Variants in RSRC1 observed in about 807,000 individuals in gnomAD.
The protein encoded by RSRC1 is serine/Arginine-related protein 53.
In RSRC1, 39 loss-of-function variants were observed where a neutral mutation model predicts 49.1. That is an observed-to-expected ratio of 0.79 (90% confidence interval 0.61 to 1.04). The LOEUF (loss-of-function observed/expected upper bound fraction) is 1.04. Ranked by LOEUF, RSRC1 falls within the 50% of genes least tolerant of loss-of-function variation. RSRC1 has a pLI of 0.00. For synonymous variants in RSRC1, 143 were observed against 130.8 expected, an observed-to-expected ratio of 1.09 and a Z score of -0.63; for missense variants, 388 against 402.4, an observed-to-expected ratio of 0.96 and a Z score of 0.31.
chr3:158,161,873 G>C (rs935104316), intron 3 of RSRC1, among the ~76,000 whole-genome samples: 4 of 152,032 alleles, frequency 2.6e-5, no homozygotes, highest in Non-Finnish European at 4.4e-5. Flanking sequence ...GGCAAGGGGG[G>C]GCTCAAAATT....
At chr3:158,520,375 CCTT>C (rs1358488880) in intron 7 of RSRC1, among the ~76,000 whole-genome samples, 2 of 152,104 alleles carry the variant, frequency 1.3e-5, no homozygotes, top group Non-Finnish European at 2.9e-5. Context: ...TTAGAAGAAT[CCTT>C]CTTGTAGTCA....
chr3:158,540,631 G>A (rs16829104), intron 8 of RSRC1, among the ~76,000 whole-genome samples: 36,441 of 150,964 alleles, frequency 0.24, 4,417 homozygotes, highest in South Asian at 0.3. Flanking sequence ...CTCATAACTT[G>A]TCTCCTCTTC....
At chr3:158,494,792 A>G (rs1352357924) in intron 7 of RSRC1, among the ~76,000 whole-genome samples, 1 of 152,134 alleles carries the variant, frequency 6.6e-6, no homozygotes, top group Non-Finnish European at 1.5e-5. Flanking sequence ...GTCAATATCA[A>G]CGTCTTCCAC....
At position 158,518,148 on chromosome 3, in the gene RSRC1, A is replaced by AT. The variant is rs72132266; in HGVS notation, c.653-18924dup. 1.9e-3 allele frequency among the ~76,000 whole-genome samples: 84 copies of AT among 44,140 alleles called. 1 individual carries two copies. Among genetic ancestry groups the AT allele is most frequent in the South Asian group, 8.3e-3 (8 of 968 alleles). The allele number at this position is 44,140 out of a possible 152,430, so 29.0% of individuals were successfully genotyped here. On this transcript the variant is annotated intron_variant, in intron 7 of 9. Transcript: ENST00000611884. ...TGTGTATATATATATATATATATAT[A>AT]TTTTTTTTTTTTTTTTTTTTACTCC...
At chr3:158,181,390 T>G (rs1039340841) in intron 3 of RSRC1, among the ~76,000 whole-genome samples, 3 of 152,146 alleles carry the variant, frequency 2.0e-5, no homozygotes, top group African/African-American at 2.4e-5. Context: ...TGGGAAAGTG[T>G]CTGTATTTGG....
At chr3:158,207,592 G>T (rs1342406437) in intron 4 of RSRC1, among the ~76,000 whole-genome samples, 3 of 151,336 alleles carry the variant, frequency 2.0e-5, no homozygotes, top group Non-Finnish European at 4.4e-5. Context: ...TAACCTAAGT[G>T]CTTCTTCACA....
intron 1 of RSRC1, among the ~76,000 whole-genome samples, chr3:158,115,215 A>G (rs1334383255): frequency 6.6e-6 from 1 of 152,296 alleles, no homozygotes; most frequent in East Asian, 1.9e-4. Flanking sequence ...TGTTAAATGT[A>G]ATCAACCAGC....
At chr3:158,140,072 G>A (rs6777853) in intron 3 of RSRC1, among the ~76,000 whole-genome samples, 90,203 of 152,010 alleles carry the variant, frequency 0.59, 27,015 homozygotes, top group East Asian at 0.71. Flanking sequence ...AAGAAGTTAC[G>A]AAATAACCTA....
intron 3 of RSRC1, among the ~76,000 whole-genome samples, chr3:158,155,898 A>T (rs538362429): frequency 6.6e-6 from 1 of 152,310 alleles, no homozygotes; most frequent in Admixed American, 6.5e-5. Flanking sequence ...AATTCTTAAG[A>T]GCCCTAGGAT....
At chr3:158,164,232 A>G (rs1718408190) in intron 3 of RSRC1, among the ~76,000 whole-genome samples, 1 of 152,126 alleles carries the variant, frequency 6.6e-6, no homozygotes, top group African/African-American at 2.4e-5. Context: ...TTAATGAGCA[A>G]ACGCAAATTA....
intron 4 of RSRC1, among the ~76,000 whole-genome samples, chr3:158,274,370 C>CTTTTT (rs71144453): frequency 6.8e-6 from 1 of 147,364 alleles, no homozygotes; most frequent in Non-Finnish European, 1.5e-5. Context: ...CAAGGTTAGT[C>CTTTTT]TTTTTTTTTT....
intron 3 of RSRC1, among the ~76,000 whole-genome samples, chr3:158,137,329 A>G (rs186464061): frequency 6.6e-6 from 1 of 152,146 alleles, no homozygotes; most frequent in East Asian, 1.9e-4. Flanking sequence ...AAATCACTAA[A>G]TTTTTGAATA....
chr3:158,112,232 A>G lies in RSRC1; in HGVS notation c.-3+2009A>G, dbSNP rs182622082. Among the ~76,000 whole-genome samples, 94 of 152,360 alleles carry G rather than the reference A, an allele frequency of 6.2e-4. 1 individual carries two copies. The highest frequency in any genetic ancestry group is 6.8e-3 in the Middle Eastern group (2 of 294). Reference sequence around the variant, plus strand: ...TTGCCCTTATCAGAAAGAACTATCAATGTGTCTTTCCATTCATTGCACCTT... The same window carrying G: ...TTGCCCTTATCAGAAAGAACTATCAGTGTGTCTTTCCATTCATTGCACCTT... On this transcript the variant is annotated intron_variant, in intron 1 of 9. Transcript: ENST00000611884.
chr3:158,446,041 C>A (rs1052819360), intron 6 of RSRC1, among the ~76,000 whole-genome samples: 1 of 151,854 alleles, frequency 6.6e-6, no homozygotes. Flanking sequence ...CCCTAAAGTA[C>A]CATAATTAAT....
At chr3:158,165,484 G>A (rs778743765) in intron 3 of RSRC1, among the ~76,000 whole-genome samples, 9 of 152,336 alleles carry the variant, frequency 5.9e-5, no homozygotes, top group Non-Finnish European at 1.3e-4. Flanking sequence ...CCATTTTAAG[G>A]TTCATTTAAC....
intron 3 of RSRC1, among the ~76,000 whole-genome samples, chr3:158,146,707 C>G (rs1717148332): frequency 1.3e-5 from 2 of 152,116 alleles, no homozygotes; most frequent in South Asian, 4.1e-4. Context: ...AGGAATGGTA[C>G]CAGCTCCTCC....
chr3:158,519,586 C>T (rs528427538), intron 7 of RSRC1, among the ~76,000 whole-genome samples: 10 of 152,040 alleles, frequency 6.6e-5, no homozygotes, highest in Admixed American at 5.2e-4. Flanking sequence ...GCCAGTTTGG[C>T]AAGGGGTAGA....
At chr3:158,194,434 G>A (rs1720428633) in intron 3 of RSRC1, among the ~76,000 whole-genome samples, 1 of 150,602 alleles carries the variant, frequency 6.6e-6, no homozygotes, top group Admixed American at 6.6e-5. Context: ...GTGTTGTCAT[G>A]AACACCCATG....
chr3:158,316,171 C>CA (rs113383530), intron 5 of RSRC1, among the ~76,000 whole-genome samples: 2,355 of 106,068 alleles, frequency 0.022, 43 homozygotes, highest in African/African-American at 0.073. Flanking sequence ...GACTCGGTCT[C>CA]AAAAAAAAAA....
Sources: gnomAD v4.1 joint callset for allele counts (sites outside exome capture counted in the v4.1 genomes callset) on GRCh38, gnomAD v4.1.1 for gene constraint, MANE v1.5 for transcripts, NCBI Gene and HGNC (gene_info 2026-07-23, HGNC 2026-07-21) for gene names.